MAP2K2: variants seen among roughly 807,000 people sequenced by gnomAD.
MAP2K2 encodes dual specificity mitogen-activated protein kinase kinase 2.
A neutral mutation model predicts 43.7 loss-of-function variants in MAP2K2; 24 were observed. The ratio of observed to expected loss-of-function variants is 0.55; its 90% CI spans 0.40 to 0.77. The LOEUF (loss-of-function observed/expected upper bound fraction) is 0.77. Among genes scored for constraint, MAP2K2 ranks in the 30% least tolerant of loss-of-function variants. MAP2K2 has a pLI of 0.00. For missense variants in MAP2K2, 470 were observed against 566.8 expected (o/e 0.83, Z 1.73); for synonymous variants, 244 against 239.7 (o/e 1.02, Z -0.17).
At chr19:4,094,158 G>A (rs908856772) in intron 10 of MAP2K2, among the ~76,000 whole-genome samples, 2 of 152,180 alleles carry the variant, frequency 1.3e-5, no homozygotes, top group African/African-American at 4.8e-5. Flanking sequence ...AAAGAAGCCC[G>A]GGGTCTCATC....
intron 1 of MAP2K2, among the ~76,000 whole-genome samples, 199 bp downstream of exon 1, chr19:4,123,585 T>TGAACCTCTC (rs1568266599): frequency 5.5e-3 from 178 of 32,262 alleles, no homozygotes; most frequent in Admixed American, 0.037. Flanking sequence ...GAGGGCCCCC[T>TGAACCTCTC]GCCCCGTCCT....
intron 1 of MAP2K2, 133 bp from the exon 2 acceptor site, chr19:4,117,762 GAAGGA>G (rs2041243544): frequency 2.5e-6 from 2 of 809,810 alleles, no homozygotes; most frequent in Non-Finnish European, 4.2e-6. Flanking sequence ...TCATGGTGTA[GAAGGA>G]AAGGATCCAT....
At chr19:4,121,885 CT>C (rs1444320168) in intron 1 of MAP2K2, among the ~76,000 whole-genome samples, 14 of 104,360 alleles carry the variant, frequency 1.3e-4, no homozygotes, top group Non-Finnish European at 2.0e-4. Context: ...TCGTGACCCC[CT>C]AGGACACCCC....
chr19:4,117,882 G>A (rs1177054908), intron 1 of MAP2K2, among the ~76,000 whole-genome samples: 2 of 152,138 alleles, frequency 1.3e-5, no homozygotes, highest in Non-Finnish European at 2.9e-5. Flanking sequence ...CAGACCTCAG[G>A]ACCTCAAGGA....
At chr19:4,117,971 T>C (rs1361951483) in intron 1 of MAP2K2, among the ~76,000 whole-genome samples, 2 of 152,066 alleles carry the variant, frequency 1.3e-5, no homozygotes, top group East Asian at 3.9e-4. Context: ...GGAGTCTCCC[T>C]CTGTTGCTCA....
chr19:4,121,392 G>A (rs939866773), intron 1 of MAP2K2, among the ~76,000 whole-genome samples: 3 of 151,454 alleles, frequency 2.0e-5, no homozygotes, highest in African/African-American at 7.3e-5. Flanking sequence ...TGGCTTCCCT[G>A]TCTCCTCACA....
rs2145050516 is a variant in MAP2K2, at chr19:4,099,402, G to A, written c.718C>T (p.Gln240Ter). The change falls in exon 7 of 11, where the codon CAG becomes TAG. Residue 240 changes from glutamine (Q) to a stop codon, truncating the protein, a stop_gained. Coordinates refer to ENST00000262948, the MANE Select transcript of MAP2K2 (RefSeq NM_030662.4). LOFTEE classifies it high-confidence loss of function. ...GACTGCACCGAGTAATGTGTGCCCT[G>A]CAACCGCTCCGGCTGCAGCAGAGCC... ...TRSYMAPERLQGTHYSVQSDI... is the reference protein window; with the variant it reads ...TRSYMAPERL 6.2e-7 allele frequency: 1 copy of A among 1,608,558 alleles called. No individual in the cohort carries two copies. The highest frequency in any genetic ancestry group is 2.2e-5 in the East Asian group (1 of 44,660).
intron 3 of MAP2K2, among the ~76,000 whole-genome samples, chr19:4,107,336 A>G (rs933819620): frequency 6.6e-6 from 1 of 151,976 alleles, no homozygotes; most frequent in African/African-American, 2.4e-5. Context: ...CATCCTGGCT[A>G]ACACAGCGAA....
chr19:4,098,557 G>A (rs918959353), intron 7 of MAP2K2, among the ~76,000 whole-genome samples: 10 of 152,180 alleles, frequency 6.6e-5, no homozygotes, highest in African/African-American at 9.6e-5. Context: ...AGCAGGGTCC[G>A]CCCCCGGCTC....
Position 4,090,524 on chromosome 19 carries a change from C to T in MAP2K2, c.*74G>A. ...GGGTGGGTGGAGGCGCCAGCCTGTCCTCAGCTGGAAGGGCGGGGCATGGAC... is the reference window on the plus strand; with the variant it reads ...GGGTGGGTGGAGGCGCCAGCCTGTCTTCAGCTGGAAGGGCGGGGCATGGAC... On this transcript the variant is annotated 3_prime_UTR_variant, in exon 11 of 11. Coordinates refer to ENST00000262948, the MANE Select transcript of MAP2K2 (RefSeq NM_030662.4). 7.6e-7 allele frequency: 1 copy of T among 1,310,022 alleles called. No homozygotes were observed. Among genetic ancestry groups the T allele is most frequent in the Non-Finnish European group, 1.1e-6 (1 of 930,170 alleles). The allele number at this position is 1,310,022 out of a possible 1,614,324, so 81.1% of individuals were successfully genotyped here.
intron 10 of MAP2K2, among the ~76,000 whole-genome samples, chr19:4,093,804 C>T (rs1298833295): frequency 6.6e-6 from 1 of 152,128 alleles, no homozygotes; most frequent in African/African-American, 2.4e-5. Flanking sequence ...AACGGGCTGT[C>T]TAGGGGGGTG....
chr19:4,102,530 G>A, intron 3 of MAP2K2, 77 bp from the exon 4 acceptor site: 3 of 1,157,876 alleles, frequency 2.6e-6, no homozygotes, highest in Non-Finnish European at 3.8e-6. Flanking sequence ...CCCACTCCCG[G>A]CGAGGGGGTG....
rs1469141139 is a variant in MAP2K2 at position 4,099,201 on chromosome 19, C to T, written c.919G>A (p.Gly307Ser). The T allele has an allele frequency of 1.8e-5, 29 of 1,599,392 alleles. No individual in the cohort carries two copies. The highest frequency in any genetic ancestry group is 2.4e-5 in the Non-Finnish European group (28 of 1,174,216). Residue 307 changes from glycine to serine, a missense_variant and splice_region_variant, in exon 7 of 11, where the codon GGT becomes AGT. Physicochemically the swap from Gly to Ser is moderately conservative, Grantham distance 56. Coordinates refer to ENST00000262948, the MANE Select transcript of MAP2K2 (RefSeq NM_030662.4). ...RPRPPGRPVS[G>S]HGMDSRPAMA... ...CGGAAGTTGCAGATTCAGGCCGTAC[C>T]GCTGACGGGGCGCCCGGGGGGCCTC...
intron 1 of MAP2K2, among the ~76,000 whole-genome samples, chr19:4,121,876 C>T (rs1396122746): frequency 1.1e-5 from 1 of 94,386 alleles, no homozygotes; most frequent in Non-Finnish European, 2.2e-5. Flanking sequence ...CCCACCCCAT[C>T]GTGACCCCCT....
chr19:4,100,935 A>T (rs2145053309), intron 6 of MAP2K2, 84 bp downstream of exon 6: 1 of 1,445,742 alleles, frequency 6.9e-7, no homozygotes, highest in East Asian at 2.5e-5. Context: ...TGAGGGGGAG[A>T]GCTGGCTGGC....
At chr19:4,102,573 C>A in intron 3 of MAP2K2, 120 bp from the exon 4 acceptor site, 2 of 927,348 alleles carry the variant, frequency 2.2e-6, no homozygotes, top group Non-Finnish European at 3.4e-6. Flanking sequence ...GGGGCCGGAG[C>A]CCAACTCCAC....
Position 4,095,362 on chromosome 19 carries a change from GGTGTGGGC to G in MAP2K2, c.1046+18_1046+25del. 6.5e-7 allele frequency: 1 copy of G among 1,549,438 alleles called. No individual in the cohort carries two copies. The highest frequency in any genetic ancestry group is 8.7e-7 in the Non-Finnish European group (1 of 1,145,794). Reference sequence around the variant, plus strand: ...GTGGCACATCTGGGTCCCGGCCAGGGGTGTGGGCAGCCCGGCTCCACCTACCATTTATT... The same window carrying G: ...GTGGCACATCTGGGTCCCGGCCAGGGAGCCCGGCTCCACCTACCATTTATT... On this transcript the variant is annotated intron_variant, in intron 9 of 10. Transcript: ENST00000262948.
At chr19:4,117,782 T>C (rs1280723862) in intron 1 of MAP2K2, among the ~76,000 whole-genome samples, 153 bp from the exon 2 acceptor site, 1 of 152,128 alleles carries the variant, frequency 6.6e-6, no homozygotes, top group Non-Finnish European at 1.5e-5. Context: ...ATCCATGCTG[T>C]GTACCCCCAT....
chr19:4,092,386 C>T (rs891841385), intron 10 of MAP2K2, among the ~76,000 whole-genome samples: 5 of 152,052 alleles, frequency 3.3e-5, no homozygotes, highest in African/African-American at 1.2e-4. Flanking sequence ...ATCACAAGTT[C>T]GAGACTGGCC....
Sources: gnomAD v4.1 joint callset for allele counts (sites outside exome capture counted in the v4.1 genomes callset) on GRCh38, gnomAD v4.1.1 for gene constraint, MANE v1.5 for transcripts, NCBI Gene and HGNC (gene_info 2026-07-23, HGNC 2026-07-21) for gene names.